Variants in UVRAG observed in about 807,000 individuals in gnomAD.
UVRAG encodes UV radiation resistance associated.
A neutral mutation model predicts 78.0 loss-of-function variants in UVRAG; 19 were observed. That is an observed-to-expected ratio of 0.24 (90% confidence interval 0.17 to 0.36). The LOEUF (loss-of-function observed/expected upper bound fraction) is 0.36, where lower values mean the gene tolerates loss of function less well. Among genes scored for constraint, UVRAG ranks in the 10% least tolerant of loss-of-function variants. The pLI is 1.00. For synonymous variants in UVRAG, 323 were observed against 324.6 expected, an observed-to-expected ratio of 1.00 and a Z score of 0.05; for missense variants, 740 against 853.8, an observed-to-expected ratio of 0.87 and a Z score of 1.66.
chr11:75,958,685 T>G (rs765692670), intron 6 of UVRAG, among the ~76,000 whole-genome samples: 24 of 152,230 alleles, frequency 1.6e-4, no homozygotes, highest in Non-Finnish European at 2.8e-4. Context: ...TCTACTCCCA[T>G]GAATCATGAA....
chr11:75,947,855 G>A (rs1381694926), intron 6 of UVRAG, among the ~76,000 whole-genome samples: 11 of 152,118 alleles, frequency 7.2e-5, no homozygotes, highest in Admixed American at 6.6e-4. Flanking sequence ...TCCATTTCAA[G>A]TTTTTAGCTT....
chr11:76,078,626 G>A (rs761155298), intron 13 of UVRAG, among the ~76,000 whole-genome samples: 18 of 151,736 alleles, frequency 1.2e-4, no homozygotes, highest in Admixed American at 5.3e-4. Context: ...AGGTTAGACC[G>A]GGTGCGGTGG....
chr11:75,916,417 T>A (rs1947858276), intron 6 of UVRAG: 1 of 152,208 alleles, frequency 6.6e-6, no homozygotes, highest in Admixed American at 6.5e-5. Context: ...AAATGTTAGT[T>A]TTCTTCTTCC....
At chr11:75,893,191 A>G (rs191740995) in intron 5 of UVRAG, among the ~76,000 whole-genome samples, 164 of 152,190 alleles carry the variant, frequency 1.1e-3, no homozygotes, top group African/African-American at 3.7e-3. Context: ...AAAAAAAGAA[A>G]AAAAGAAGAA....
intron 8 of UVRAG, among the ~76,000 whole-genome samples, chr11:75,992,432 T>A (rs1949626389): frequency 1.3e-5 from 2 of 152,200 alleles, no homozygotes; most frequent in South Asian, 2.1e-4. Flanking sequence ...AATTACTTTG[T>A]ATTCCCCTGG....
rs376185117 is a variant in UVRAG at position 75,962,940 on chromosome 11, G to A, written c.699+1391G>A. On this transcript the variant is annotated intron_variant, in intron 7 of 14. Coordinates refer to ENST00000356136, the MANE Select transcript of UVRAG (RefSeq NM_003369.4). The stretch of plus-strand genomic sequence containing the variant: ...CATACAGAGCAAGGTAACAGAATGT[G>A]TGAGTTTAAAGAGGTCAAGTTCAGA... Among the ~76,000 whole-genome samples the A allele has an allele frequency of 6.8e-4, 103 of 152,262 alleles. 1 individual carries two copies. Among genetic ancestry groups the A allele is most frequent in the African/African-American group, 2.4e-3 (101 of 41,554 alleles).
intron 5 of UVRAG, among the ~76,000 whole-genome samples, chr11:75,902,180 C>T (rs909100040): frequency 2.6e-5 from 4 of 152,162 alleles, no homozygotes; most frequent in Non-Finnish European, 5.9e-5. Context: ...TGGAATACAC[C>T]ACTTGGTTGT....
chr11:76,069,613 TTTATC>T (rs1591199748), intron 13 of UVRAG, among the ~76,000 whole-genome samples: 4 of 152,328 alleles, frequency 2.6e-5, no homozygotes, highest in South Asian at 2.1e-4. Context: ...TTATAATACT[TTTATC>T]TTATATTTGT....
intron 2 of UVRAG, among the ~76,000 whole-genome samples, chr11:75,853,712 C>T (rs541357612): frequency 6.6e-6 from 1 of 151,884 alleles, no homozygotes; most frequent in East Asian, 1.9e-4. Flanking sequence ...AATTTTATTT[C>T]ATTCTCACTT....
chr11:75,922,151 T>C (rs1019883499), intron 6 of UVRAG, among the ~76,000 whole-genome samples: 1 of 152,144 alleles, frequency 6.6e-6, no homozygotes, highest in Non-Finnish European at 1.5e-5. Context: ...GGGAAAGATG[T>C]CATTTTATAT....
At chr11:75,878,134 C>T (rs1200798175) in intron 3 of UVRAG, among the ~76,000 whole-genome samples, 2 of 148,440 alleles carry the variant, frequency 1.3e-5, no homozygotes, top group Non-Finnish European at 3.0e-5. Context: ...GGGTCTCCTC[C>T]CTTCTCAGAT....
intron 6 of UVRAG, among the ~76,000 whole-genome samples, chr11:75,929,628 A>G (rs987649717): frequency 2.6e-5 from 4 of 152,166 alleles, no homozygotes; most frequent in East Asian, 1.9e-4. Context: ...GTCATCTTCT[A>G]TTATAAAATT....
At chr11:75,974,008 A>G (rs1034699808) in intron 7 of UVRAG, among the ~76,000 whole-genome samples, 4 of 152,182 alleles carry the variant, frequency 2.6e-5, no homozygotes, top group East Asian at 1.9e-4. Context: ...TAGTGCCGCA[A>G]TAAACATATG....
At chr11:76,110,734 T>C (rs930446180) in intron 13 of UVRAG, among the ~76,000 whole-genome samples, 5 of 151,984 alleles carry the variant, frequency 3.3e-5, no homozygotes, top group Non-Finnish European at 7.4e-5. Context: ...GAGAGAGACA[T>C]AGAGACAAGA....
intron 1 of UVRAG, among the ~76,000 whole-genome samples, chr11:75,824,233 A>G (rs186743940): frequency 1.3e-5 from 2 of 152,324 alleles, no homozygotes; most frequent in African/African-American, 4.8e-5. Flanking sequence ...AAGTAAAATG[A>G]TGGCAATTTT....
intron 6 of UVRAG, among the ~76,000 whole-genome samples, chr11:75,946,742 G>A (rs1948595748): frequency 6.6e-6 from 1 of 152,174 alleles, no homozygotes; most frequent in Admixed American, 6.5e-5. Flanking sequence ...TTCTTGCCAT[G>A]TGGCCCACTT....
intron 1 of UVRAG, among the ~76,000 whole-genome samples, chr11:75,840,011 T>C (rs1945876113): frequency 6.6e-6 from 1 of 152,148 alleles, no homozygotes; most frequent in Non-Finnish European, 1.5e-5. Flanking sequence ...CCTCCAATTA[T>C]TTTGAAGCAA....
intron 6 of UVRAG, among the ~76,000 whole-genome samples, chr11:75,929,717 C>T (rs1184627581): frequency 2.0e-5 from 3 of 152,132 alleles, no homozygotes; most frequent in Non-Finnish European, 4.4e-5. Context: ...TCTAGTTTAT[C>T]TTGCTCACGG....
At chr11:76,125,632 C>G (rs535970444) in intron 14 of UVRAG, among the ~76,000 whole-genome samples, 1 of 152,340 alleles carries the variant, frequency 6.6e-6, no homozygotes, top group South Asian at 2.1e-4. Flanking sequence ...CCGGCGCCGC[C>G]TCTCCCCTAC....
Sources: gnomAD v4.1 joint callset for allele counts (sites outside exome capture counted in the v4.1 genomes callset) on GRCh38, gnomAD v4.1.1 for gene constraint, MANE v1.5 for transcripts, NCBI Gene and HGNC (gene_info 2026-07-23, HGNC 2026-07-21) for gene names.